CPQ: variants seen among roughly 807,000 people sequenced by gnomAD.
The protein encoded by CPQ is Ser-Met dipeptidase.
A neutral mutation model predicts 45.7 loss-of-function variants in CPQ; 37 were observed. That is an observed-to-expected ratio of 0.81 (90% CI 0.62 to 1.07). CPQ has a LOEUF of 1.07. Ranked by LOEUF, CPQ falls within the 50% of genes least tolerant of loss-of-function variation. The pLI is 0.00. For synonymous variants in CPQ, 186 were observed against 205.8 expected (o/e 0.90, Z 0.82); for missense variants, 537 against 572.9 (o/e 0.94, Z 0.64).
At chr8:96,878,111 A>G (rs1222458311) in intron 3 of CPQ, among the ~76,000 whole-genome samples, 1 of 152,026 alleles carries the variant, frequency 6.6e-6, no homozygotes, top group Admixed American at 6.5e-5. Context: ...GATTACAGGC[A>G]TGTGCCACCA....
intron 6 of CPQ, among the ~76,000 whole-genome samples, chr8:97,049,417 A>G (rs544527122): frequency 6.6e-6 from 1 of 152,356 alleles, no homozygotes; most frequent in African/African-American, 2.4e-5. Context: ...TGTGGTTCAA[A>G]GCAATCAGAT....
chr8:97,112,067 C>T (rs1220329193), intron 7 of CPQ, among the ~76,000 whole-genome samples: 2 of 152,092 alleles, frequency 1.3e-5, no homozygotes, highest in Non-Finnish European at 2.9e-5. Context: ...AGCTTTGGTA[C>T]TCCACTCTGT....
intron 2 of CPQ, among the ~76,000 whole-genome samples, chr8:96,808,333 C>T (rs1456164385): frequency 6.6e-6 from 1 of 152,082 alleles, no homozygotes; most frequent in Non-Finnish European, 1.5e-5. Flanking sequence ...TGCCAGGTGT[C>T]TAGGCTGGCT....
rs1200914156 is a variant in CPQ, at chr8:97,143,480, T to C, written c.*297T>C. 4.7e-6 allele frequency: 1 copy of C among 214,774 alleles called. No homozygotes were observed. Among genetic ancestry groups the C allele is most frequent in the African/African-American group, 2.3e-5 (1 of 43,542 alleles). 13.3% of individuals were successfully genotyped at this position (214,774 alleles called of 1,614,324 possible). The stretch of plus-strand genomic sequence containing the variant: ...TTCCACTTTAAAAGTAAACACTTAA[T>C]AAATTTTTGGAAGATCTCTGATTTT... On this transcript the variant is annotated 3_prime_UTR_variant, in exon 8 of 8. Transcript: ENST00000220763.
intron 1 of CPQ, among the ~76,000 whole-genome samples, chr8:96,773,185 A>G (rs1430938840): frequency 6.6e-6 from 1 of 152,208 alleles, no homozygotes; most frequent in Admixed American, 6.5e-5. Flanking sequence ...GTGAAATATA[A>G]CTACTTGTTT....
At chr8:96,718,362 C>G (rs951288872) in intron 1 of CPQ, among the ~76,000 whole-genome samples, 9 of 152,214 alleles carry the variant, frequency 5.9e-5, no homozygotes, top group Non-Finnish European at 7.4e-5. Context: ...GAGTTTCTTC[C>G]TTCTGGTGGG....
At chr8:96,646,346 T>C (rs1243313445) in intron 1 of CPQ, among the ~76,000 whole-genome samples, 2 of 152,228 alleles carry the variant, frequency 1.3e-5, no homozygotes, top group African/African-American at 4.8e-5. Flanking sequence ...GTTTAAAGAA[T>C]CATTGTCACT....
At chr8:96,997,772 C>A (rs1169430129) in intron 5 of CPQ, among the ~76,000 whole-genome samples, 1 of 151,938 alleles carries the variant, frequency 6.6e-6, no homozygotes, top group Non-Finnish European at 1.5e-5. Context: ...ACTTCATATG[C>A]ATCTATCTAA....
At chr8:96,760,056 A>G (rs373371148) in intron 1 of CPQ, among the ~76,000 whole-genome samples, 23 of 152,296 alleles carry the variant, frequency 1.5e-4, no homozygotes, top group African/African-American at 5.5e-4. Flanking sequence ...CCTCAGCCCT[A>G]GCCACGTGGG....
At chr8:97,056,578 CT>C (rs773806298) in intron 6 of CPQ, 1 of 152,152 alleles carries the variant, frequency 6.6e-6, no homozygotes, top group Non-Finnish European at 1.5e-5. Flanking sequence ...ATGGTTTCCA[CT>C]TTAAATTTTT....
intron 5 of CPQ, among the ~76,000 whole-genome samples, chr8:96,976,140 G>T (rs1813776511): frequency 6.8e-6 from 1 of 147,378 alleles, no homozygotes; most frequent in African/African-American, 2.5e-5. Flanking sequence ...ATTCAGCAAA[G>T]GTTCAGGATA....
At chr8:96,800,683 G>C (rs975689968) in intron 2 of CPQ, among the ~76,000 whole-genome samples, 2 of 152,046 alleles carry the variant, frequency 1.3e-5, no homozygotes, top group African/African-American at 4.8e-5. Context: ...TAAACATAAA[G>C]CTGGGCTTTA....
chr8:96,797,081 GAT>G (rs764945893), intron 2 of CPQ, among the ~76,000 whole-genome samples: 26 of 152,178 alleles, frequency 1.7e-4, no homozygotes, highest in Non-Finnish European at 3.2e-4. Context: ...GCCTTTCCTA[GAT>G]TAAGCAATGG....
chr8:97,023,112 C>CTA (rs35585042), intron 5 of CPQ, among the ~76,000 whole-genome samples: 76,647 of 144,136 alleles, frequency 0.53, 21,818 homozygotes, highest in Non-Finnish European at 0.64. Flanking sequence ...TATATACACA[C>CTA]TATATATATA....
Position 96,675,454 on chromosome 8 carries a change from T to A in CPQ, c.-35+30052T>A, listed in dbSNP as rs188667231. ...TTACATGTACCAATACACATAGATG[T>A]ACCATGATTTACTTAGTCTATACAT... On this transcript the variant is annotated intron_variant, in intron 1 of 7. Transcript: ENST00000220763. Among the ~76,000 whole-genome samples, 183 of 152,220 alleles carry A rather than the reference T, an allele frequency of 1.2e-3. 2 individuals are homozygous for A. Among genetic ancestry groups the A allele is most frequent in the Non-Finnish European group, 2.3e-3 (156 of 67,962 alleles).
chr8:97,014,471 C>A (rs957429774), intron 5 of CPQ, among the ~76,000 whole-genome samples: 1 of 151,708 alleles, frequency 6.6e-6, no homozygotes, highest in Admixed American at 6.6e-5. Context: ...GCAAACATGA[C>A]AAAGCCCCAT....
At chr8:96,942,243 C>T (rs1183675287) in intron 4 of CPQ, among the ~76,000 whole-genome samples, 2 of 152,168 alleles carry the variant, frequency 1.3e-5, no homozygotes, top group Non-Finnish European at 2.9e-5. Flanking sequence ...TATCCCATTC[C>T]CTTCTTTCAT....
chr8:97,108,603 G>A (rs1228595771), intron 7 of CPQ, among the ~76,000 whole-genome samples: 2 of 152,144 alleles, frequency 1.3e-5, no homozygotes, highest in African/African-American at 2.4e-5. Context: ...GTGATTCAGC[G>A]ATTACCTCTG....
chr8:96,808,453 A>T (rs1251360143), intron 2 of CPQ, among the ~76,000 whole-genome samples: 1 of 152,058 alleles, frequency 6.6e-6, no homozygotes, highest in Non-Finnish European at 1.5e-5. Flanking sequence ...CCTCTCAAAG[A>T]TGGAGGCTTC....
Sources: gnomAD v4.1 joint callset for allele counts (sites outside exome capture counted in the v4.1 genomes callset) on GRCh38, gnomAD v4.1.1 for gene constraint, MANE v1.5 for transcripts, NCBI Gene and HGNC (gene_info 2026-07-23, HGNC 2026-07-21) for gene names.